The following ARHGAP31 variants were observed in gnomAD, a reference collection of about 807,000 sequenced individuals.
The protein encoded by ARHGAP31 is rho GTPase-activating protein 31.
In ARHGAP31, 34 loss-of-function variants were observed where a neutral mutation model predicts 113.9. The observed-to-expected ratio is 0.30, with a 90% CI of 0.23 to 0.40. The LOEUF (loss-of-function observed/expected upper bound fraction) is 0.40. ARHGAP31 is among the 10% of genes least tolerant of loss of function. The probability of loss-of-function intolerance (pLI) is 1.00; values close to 1 mark genes in which losing one functional copy is unlikely to be tolerated. For missense variants in ARHGAP31, 1,548 were observed against 1,767.1 expected, an observed-to-expected ratio of 0.88 and a Z score of 2.22; for synonymous variants, 650 against 684.8, an observed-to-expected ratio of 0.95 and a Z score of 0.79.
At chr3:119,335,083 A>G (rs932490127) in intron 1 of ARHGAP31, among the ~76,000 whole-genome samples, 5 of 105,758 alleles carry the variant, frequency 4.7e-5, no homozygotes, top group African/African-American at 8.5e-5. Flanking sequence ...TTCCCATGGG[A>G]AAAAAAAAAG....
chr3:119,299,341 G>A (rs2079560997), intron 1 of ARHGAP31, among the ~76,000 whole-genome samples: 1 of 152,194 alleles, frequency 6.6e-6, no homozygotes, highest in Non-Finnish European at 1.5e-5. Flanking sequence ...AGAACCGTCA[G>A]CCTTTTTATT....
chr3:119,310,388 G>A lies in ARHGAP31; in HGVS notation c.100+15384G>A, dbSNP rs567960330. On this transcript the variant is annotated intron_variant, in intron 1 of 11. Coordinates refer to ENST00000264245, the MANE Select transcript of ARHGAP31 (RefSeq NM_020754.4). ...AACCAAGTGATTCACCCTTCAGGGA[G>A]TTCTTGCCTTGGTAATATGGTGCAG... Among the ~76,000 whole-genome samples the A allele has an allele frequency of 2.2e-4, 33 of 152,322 alleles. 1 individual carries two copies. Among genetic ancestry groups the A allele is most frequent in the African/African-American group, 7.7e-4 (32 of 41,572 alleles).
intron 1 of ARHGAP31, among the ~76,000 whole-genome samples, chr3:119,296,824 GA>G (rs1453705668): frequency 2.6e-5 from 4 of 152,184 alleles, no homozygotes; most frequent in African/African-American, 9.6e-5. Flanking sequence ...TGGGGAGGGG[GA>G]AAAGAAGCCC....
chr3:119,345,408 T>C (rs2080047830), intron 1 of ARHGAP31, among the ~76,000 whole-genome samples: 1 of 152,088 alleles, frequency 6.6e-6, no homozygotes, highest in Non-Finnish European at 1.5e-5. Flanking sequence ...GTTATGGCAT[T>C]CTACTTACAG....
chr3:119,326,043 T>G lies in ARHGAP31; in HGVS notation c.100+31039T>G, dbSNP rs576548244. Among the ~76,000 whole-genome samples the G allele has an allele frequency of 5.9e-5, 9 of 152,056 alleles. No individual in the cohort carries two copies. In the East Asian group the frequency reaches 1.5e-3, roughly 26 times the overall value. ...CGGTCTCTACTAAAAATGCAAAACATTAGCCGGGCGTGGTGGTGGGCGCCT... is the reference window on the plus strand; with the variant it reads ...CGGTCTCTACTAAAAATGCAAAACAGTAGCCGGGCGTGGTGGTGGGCGCCT... On this transcript the variant is annotated intron_variant, in intron 1 of 11. Coordinates refer to ENST00000264245, the MANE Select transcript of ARHGAP31 (RefSeq NM_020754.4).
chr3:119,368,442 G>A lies in ARHGAP31; in HGVS notation c.274G>A (p.Gly92Ser). The A allele has an allele frequency of 6.2e-7, 1 of 1,614,100 alleles. No homozygotes were observed. The highest frequency in any genetic ancestry group is 8.5e-7 in the Non-Finnish European group (1 of 1,180,008). ...EVYLQDIHCVGSLCKLYFREL... is the reference protein window; with the variant it reads ...EVYLQDIHCVSSLCKLYFREL... ...GTACCTCCAGGACATCCACTGTGTGGGCTCGCTTTGCAAGCTCTACTTTAG... is the reference window on the plus strand; with the variant it reads ...GTACCTCCAGGACATCCACTGTGTGAGCTCGCTTTGCAAGCTCTACTTTAG... Residue 92 changes from glycine to serine, a missense_variant, in exon 3 of 12, where the codon GGC becomes AGC. By Grantham distance (56) the Gly-to-Ser change is moderately conservative. Transcript: ENST00000264245.
chr3:119,379,530 A>G (rs780535338), intron 3 of ARHGAP31, among the ~76,000 whole-genome samples: 2 of 152,244 alleles, frequency 1.3e-5, no homozygotes, highest in Admixed American at 6.5e-5. Context: ...GCAACGTAAG[A>G]AAACCATCAC....
intron 1 of ARHGAP31, among the ~76,000 whole-genome samples, chr3:119,300,778 G>A (rs1482043725): frequency 6.7e-6 from 1 of 148,424 alleles, no homozygotes; most frequent in Non-Finnish European, 1.5e-5. Context: ...AGTGAGCTGA[G>A]ATCATACCAC....
chr3:119,337,644 C>A (rs2079969464), intron 1 of ARHGAP31, among the ~76,000 whole-genome samples: 2 of 152,166 alleles, frequency 1.3e-5, no homozygotes, highest in South Asian at 4.1e-4. Context: ...GTCCGTTTTA[C>A]AGAGTGCTGA....
At position 119,359,904 on chromosome 3, in the gene ARHGAP31, C is replaced by T. The variant is rs116490271; in HGVS notation, c.101-5412C>T. 6.5e-3 allele frequency among the ~76,000 whole-genome samples: 992 copies of T among 151,802 alleles called. 12 individuals carry two copies. Among genetic ancestry groups the T allele is most frequent in the African/African-American group, 0.022 (930 of 41,530 alleles). On this transcript the variant is annotated intron_variant, in intron 1 of 11. Coordinates refer to ENST00000264245, the MANE Select transcript of ARHGAP31 (RefSeq NM_020754.4). ...CCGTGTGCATCGCAACAGATGCTTA[C>T]AGGATTTCTTCCTGTGCAGTGTCTT... is the stretch of plus-strand genomic sequence containing the variant.
At chr3:119,378,299 G>A (rs903305663) in intron 3 of ARHGAP31, among the ~76,000 whole-genome samples, 33 of 152,078 alleles carry the variant, frequency 2.2e-4, no homozygotes, top group African/African-American at 6.8e-4. Context: ...TGCAGTGGCC[G>A]GGCCCCTCCA....
chr3:119,380,767 A>G (rs2080390104), intron 3 of ARHGAP31, 137 bp from the exon 4 acceptor site: 1 of 748,808 alleles, frequency 1.3e-6, no homozygotes, highest in African/African-American at 1.7e-5. Flanking sequence ...TTTCATAGTA[A>G]AGCATGCCTC....
rs766900413 is a variant in ARHGAP31, at chr3:119,416,232, C to G, written c.4303C>G (p.Leu1435Val). Residue 1435 changes from leucine (L) to valine (V), a missense_variant, in exon 12 of 12, where the codon CTG becomes GTG. Leu to Val is a conservative substitution (Grantham distance 32). Transcript: ENST00000264245. ...FYQPQRRSVI[L>V]DGRSGRQIE is the part of the protein sequence containing the mutation. Reference sequence around the variant, plus strand: ...CCAGCCTCAGCGGAGATCAGTAATTCTGGATGGAAGAAGTGGGAGGCAAAT... The same window carrying G: ...CCAGCCTCAGCGGAGATCAGTAATTGTGGATGGAAGAAGTGGGAGGCAAAT... 1.2e-6 allele frequency: 2 copies of G among 1,614,050 alleles called. No homozygotes were observed. The highest frequency in any genetic ancestry group is 3.3e-5 in the Admixed American group (2 of 60,008).
chr3:119,403,285 TATAG>T (rs1407062577), intron 10 of ARHGAP31, among the ~76,000 whole-genome samples: 23 of 152,240 alleles, frequency 1.5e-4, no homozygotes. Context: ...TATCCTATGA[TATAG>T]ATAGTCACTA....
intron 1 of ARHGAP31, chr3:119,322,692 G>A (rs1375158898): frequency 1.3e-5 from 2 of 152,694 alleles, no homozygotes; most frequent in Middle Eastern, 3.1e-3. Flanking sequence ...CGGCGGGGAA[G>A]GGGGTGCTGC....
intron 9 of ARHGAP31, 74 bp from the exon 10 acceptor site, chr3:119,401,748 C>T (rs2080609569): frequency 7.1e-7 from 1 of 1,402,212 alleles, no homozygotes; most frequent in East Asian, 2.3e-5. Context: ...ATGTCGTGTG[C>T]CTGCCCTTAC....
chr3:119,391,087 G>C, intron 7 of ARHGAP31, 104 bp downstream of exon 7: 1 of 1,291,950 alleles, frequency 7.7e-7, no homozygotes, highest in Non-Finnish European at 1.1e-6. Flanking sequence ...TGGGTTGGAG[G>C]TACCGTCTGG....
intron 1 of ARHGAP31, among the ~76,000 whole-genome samples, chr3:119,323,730 G>A (rs949715849): frequency 6.6e-6 from 1 of 152,188 alleles, no homozygotes; most frequent in African/African-American, 2.4e-5. Flanking sequence ...GTATGGCCCT[G>A]GGCAAGTCCT....
intron 1 of ARHGAP31, among the ~76,000 whole-genome samples, chr3:119,310,651 C>G (rs2079671518): frequency 6.6e-6 from 1 of 152,202 alleles, no homozygotes; most frequent in South Asian, 2.1e-4. Context: ...TGAGATGGAA[C>G]AGTTTTATCC....
Sources: allele counts gnomAD v4.1 joint callset (sites outside exome capture counted in the v4.1 genomes callset), GRCh38; gene constraint gnomAD v4.1.1; transcripts MANE v1.5; gene names NCBI Gene and HGNC (gene_info 2026-07-23, HGNC 2026-07-21).